Variants in CRACR2B observed in about 807,000 individuals in gnomAD.
CRACR2B encodes calcium release activated channel regulator 2B.
Under a neutral mutation model 46.0 loss-of-function variants are expected in CRACR2B, and 50 were observed. That is an observed-to-expected ratio of 1.09 (90% CI 0.87 to 1.38). The LOEUF (loss-of-function observed/expected upper bound fraction) is 1.38. CRACR2B is among the 40% of genes most tolerant of loss of function. The pLI is 0.00. For synonymous variants in CRACR2B, 277 were observed against 239.6 expected (o/e 1.16, Z -1.44); for missense variants, 667 against 535.0 (o/e 1.25, Z -2.43).
chr11:828,833 G>A lies in CRACR2B; in HGVS notation c.166-19G>A. ...GGGTTGACCGCAGCGGCTCATCTCT[G>A]CTCTCCTTCCCCGACCAGGGTCTCC... On this transcript the variant is annotated intron_variant, in intron 1 of 8. Transcript: ENST00000525077. 1 of 1,611,438 alleles carries A rather than the reference G, an allele frequency of 6.2e-7. No homozygotes were observed.
At chr11:827,467 C>T (rs1336098284), upstream of CRACR2B, 6 of 848,826 alleles carry the variant, frequency 7.1e-6, no homozygotes, top group Non-Finnish European at 8.5e-6. Flanking sequence ...GGGGTAAGGG[C>T]GGGGTTGTCC....
Position 828,828 on chromosome 11 carries a change from T to C in CRACR2B, c.166-24T>C, listed in dbSNP as rs548517140. 1.6e-4 allele frequency: 252 copies of C among 1,611,662 alleles called. 3 individuals are homozygous for C. The South Asian group carries it at 2.7e-3, about 17-fold the overall frequency. ...GCCCTGGGTTGACCGCAGCGGCTCA[T>C]CTCTGCTCTCCTTCCCCGACCAGGG... On this transcript the variant is annotated intron_variant, in intron 1 of 8. Coordinates refer to ENST00000525077, the MANE Select transcript of CRACR2B (RefSeq NM_001286606.2).
chr11:829,429 C>G lies in CRACR2B; in HGVS notation c.347C>G (p.Ser116Trp), dbSNP rs1175226870. 3 of 1,609,970 alleles carry G rather than the reference C, an allele frequency of 1.9e-6. No individual in the cohort carries two copies. The highest frequency in any genetic ancestry group is 2.5e-6 in the Non-Finnish European group (3 of 1,179,028). ...PCRTPEETFE[S>W]GGLDVQGTAG... ...AGGACTCCCGAGGAGACCTTTGAGT[C>G]GGGCGGGCTCGACGTGCAGGGCACG... Residue 116 changes from serine (S) to tryptophan (W), a missense_variant, in exon 3 of 9, where the codon TCG (serine) becomes TGG (tryptophan). Coordinates refer to ENST00000525077, the MANE Select transcript of CRACR2B (RefSeq NM_001286606.2).
chr11:829,125 G>A (rs368335821), intron 2 of CRACR2B, 162 bp downstream of exon 2: 347 of 1,258,374 alleles, frequency 2.8e-4, no homozygotes, highest in South Asian at 1.9e-3. Context: ...TCCTAGCTGC[G>A]GTGGAGTGTG....
intron 3 of CRACR2B, 34 bp downstream of exon 3, chr11:829,574 C>T: frequency 6.6e-7 from 1 of 1,518,532 alleles, no homozygotes; most frequent in East Asian, 2.4e-5. Flanking sequence ...CCACTGCCCG[C>T]TCTGCTGTTT....
chr11:830,149 G>T lies in CRACR2B; in HGVS notation c.605+17G>T. On this transcript the variant is annotated intron_variant, in intron 4 of 8. Coordinates refer to ENST00000525077, the MANE Select transcript of CRACR2B (RefSeq NM_001286606.2). ...GCTGCGGAGGTGAGGGCCGGGGTGGGGTATGGGGGCCAATGGAGGGCCTCA... is the reference window on the plus strand; with the variant it reads ...GCTGCGGAGGTGAGGGCCGGGGTGGTGTATGGGGGCCAATGGAGGGCCTCA... 3 of 1,523,352 alleles carry T rather than the reference G, an allele frequency of 2.0e-6. No individual in the cohort carries two copies. The highest frequency in any genetic ancestry group is 2.6e-6 in the Non-Finnish European group (3 of 1,140,114). 94.4% of individuals were successfully genotyped at this position (1,523,352 alleles called of 1,614,324 possible).
Position 828,398 on chromosome 11 carries a change from C to T in CRACR2B, c.-210C>T. ...CCACAGGCCCTGAGCCTACATCAAC[C>T]ACCCCAGTGACACCCCAAGCCTGCA... On this transcript the variant is annotated 5_prime_UTR_variant, in exon 1 of 9. Coordinates refer to ENST00000525077, the MANE Select transcript of CRACR2B (RefSeq NM_001286606.2). The T allele has an allele frequency of 1.7e-6, 1 of 578,030 alleles. No individual in the cohort carries two copies. Among genetic ancestry groups the T allele is most frequent in the Non-Finnish European group, 2.9e-6 (1 of 340,648 alleles). 35.8% of individuals were successfully genotyped at this position (578,030 alleles called of 1,614,324 possible).
intron 5 of CRACR2B, 75 bp from the exon 6 acceptor site, chr11:830,546 C>A (rs1159501593): frequency 6.5e-7 from 1 of 1,546,326 alleles, no homozygotes; most frequent in South Asian, 1.2e-5. Flanking sequence ...CCACTCCCAG[C>A]CCCTGGCCCT....
chr11:829,687 A>C, intron 3 of CRACR2B, 147 bp downstream of exon 3: 1 of 1,069,590 alleles, frequency 9.3e-7, no homozygotes, highest in Non-Finnish European at 1.3e-6. Context: ...ATTCCCTGGG[A>C]GGGACCCGGC....
rs1219272147 is a variant in CRACR2B at position 829,978 on chromosome 11, C to A, written c.459-8C>A. On this transcript the variant is annotated splice_polypyrimidine_tract_variant and splice_region_variant and intron_variant, in intron 3 of 8. Transcript: ENST00000525077. ...CAGCTCCAGCCTCAGTTCCCGCCCG[C>A]CCTCCAGGCAGCGGGCTGTGAGGAC... 3.2e-6 allele frequency: 5 copies of A among 1,561,494 alleles called. No homozygotes were observed. Among genetic ancestry groups the A allele is most frequent in the Admixed American group, 1.8e-5 (1 of 56,156 alleles).
rs1460048217 is a variant in CRACR2B at position 831,874 on chromosome 11, AGTGGCCAGGGTCCCGTGT to A, written c.*169_*186del. The A allele has an allele frequency of 6.1e-6, 5 of 823,764 alleles. No homozygotes were observed. The East Asian group carries it at 1.3e-4, about 22-fold the overall frequency. 51.0% of individuals were successfully genotyped at this position (823,764 alleles called of 1,614,324 possible). ...GCCTAGGAGTGGTCAGGGTCCCGGG[AGTGGCCAGGGTCCCGTGT>A]GTGCCCTCTGCCAGTCTTCGCTCTG... On this transcript the variant is annotated 3_prime_UTR_variant, in exon 9 of 9. Coordinates refer to ENST00000525077, the MANE Select transcript of CRACR2B (RefSeq NM_001286606.2).
Position 831,544 on chromosome 11 carries a change from T to A in CRACR2B, c.1035T>A (p.Asn345Lys), listed in dbSNP as rs201067316. Residue 345 changes from asparagine (N) to lysine (K), a missense_variant, in exon 9 of 9, where the codon AAT (asparagine) becomes AAA (lysine). Physicochemically the swap from Asn to Lys is moderately conservative, Grantham distance 94. Transcript: ENST00000525077. ...LRQLELLREL[N>K]TRLRDDRDAC... is the part of the protein sequence containing the mutation. ...ACTCCTCCTTCCCTAGGGAGCTGAA[T>A]ACACGGCTGCGGGATGACAGGGACG... The A allele has an allele frequency of 1.8e-4, 290 of 1,596,726 alleles. No individual in the cohort carries two copies. The highest frequency in any genetic ancestry group is 3.0e-4 in the Admixed American group (17 of 55,786).
At position 828,680 on chromosome 11, in the gene CRACR2B, G is replaced by A. The variant is rs541669383; in HGVS notation, c.73G>A (p.Gly25Arg). Reference sequence around the variant, plus strand: ...GGGGGAACTCGAGGGGGGCTCTGCAGGGCCGCGGGCTGCAATACTGGAGCA... The same window carrying A: ...GGGGGAACTCGAGGGGGGCTCTGCAAGGCCGCGGGCTGCAATACTGGAGCA... ...EEGELEGGSA[G>R]PRAAILEQAE... The change falls in exon 1 of 9, where the codon GGG becomes AGG. Residue 25 changes from glycine (G) to arginine (R), a missense_variant. Physicochemically the swap from Gly to Arg is moderately radical, Grantham distance 125. Coordinates refer to ENST00000525077, the MANE Select transcript of CRACR2B (RefSeq NM_001286606.2). 276 of 1,611,068 alleles carry A rather than the reference G, an allele frequency of 1.7e-4. No individual in the cohort carries two copies. The highest frequency in any genetic ancestry group is 8.8e-4 in the South Asian group (80 of 90,912).
At chr11:827,115 AGGCGGGGACAGGCGACAGCGGCGCAGAGT>A (rs1291485817), upstream of CRACR2B, 1 of 151,982 alleles carries the variant, frequency 6.6e-6, no homozygotes, top group Non-Finnish European at 1.5e-5. Flanking sequence ...CAGCGCAGAG[AGGCGGGGACAGGCGACAGCGGCGCAGAGT>A]GGCTCCTCCC....
At position 828,711 on chromosome 11, in the gene CRACR2B, A is replaced by C; in HGVS notation, c.104A>C (p.Glu35Ala). The change falls in exon 1 of 9, where the codon GAG becomes GCG. Residue 35 changes from glutamate to alanine, a missense_variant. Physicochemically the swap from Glu to Ala is moderately radical, Grantham distance 107. Coordinates refer to ENST00000525077, the MANE Select transcript of CRACR2B (RefSeq NM_001286606.2). The part of the protein sequence containing the change: ...GPRAAILEQA[E>A]ELFLLCDKEA... ...CGGGCTGCAATACTGGAGCAGGCTGAGGAGCTGTTTCTGCTGTGTGACAAG... is the reference window on the plus strand; with the variant it reads ...CGGGCTGCAATACTGGAGCAGGCTGCGGAGCTGTTTCTGCTGTGTGACAAG... 2 of 1,613,218 alleles carry C rather than the reference A, an allele frequency of 1.2e-6. No homozygotes were observed. The highest frequency in any genetic ancestry group is 8.5e-7 in the Non-Finnish European group (1 of 1,179,784).
At chr11:830,839 G>A in intron 6 of CRACR2B, 27 bp from the exon 7 acceptor site, 4 of 1,500,730 alleles carry the variant, frequency 2.7e-6, no homozygotes, top group Non-Finnish European at 3.5e-6. Flanking sequence ...GGCGTTCCTC[G>A]CCGGTCTCCA....
upstream of CRACR2B, chr11:827,682 T>A (rs1345124347): frequency 3.0e-6 from 1 of 330,234 alleles, no homozygotes; most frequent in East Asian, 1.7e-4. Flanking sequence ...CCGCCCAGAC[T>A]TGCCCTCTTT....
chr11:826,276 G>A (rs1477685892), upstream of CRACR2B: 3 of 152,132 alleles, frequency 2.0e-5, no homozygotes, highest in Non-Finnish European at 4.4e-5. Context: ...GGTGGGTGCA[G>A]GGGCCAGGCT....
In CRACR2B at chr11:828,506, C is replaced by A; in HGVS notation, c.-102C>A. On this transcript the variant is annotated 5_prime_UTR_variant, in exon 1 of 9. Transcript: ENST00000525077. ...GCTGCAGGGAGGGCCCTCGGCTGAG[C>A]CTTCAGACACACTTGCACCCCATCC... 2.2e-6 allele frequency: 3 copies of A among 1,376,724 alleles called. No homozygotes were observed. Among genetic ancestry groups the A allele is most frequent in the South Asian group, 3.0e-5 (2 of 65,624 alleles). The allele number at this position is 1,376,724 out of a possible 1,614,324, so 85.3% of individuals were successfully genotyped here.
Sources: gnomAD v4.1 joint callset for allele counts on GRCh38, gnomAD v4.1.1 for gene constraint, MANE v1.5 for transcripts, NCBI Gene and HGNC (gene_info 2026-07-23, HGNC 2026-07-21) for gene names.